Variants in MAST2 observed in about 807,000 individuals in gnomAD.
The protein encoded by MAST2 is microtubule-associated serine/threonine-protein kinase 2.
Under a neutral mutation model 147.4 loss-of-function variants are expected in MAST2, and 70 were observed. That is an observed-to-expected ratio of 0.47 (90% CI 0.39 to 0.58). MAST2 has a LOEUF of 0.58. Ranked by LOEUF, MAST2 falls within the 20% of genes least tolerant of loss-of-function variation. The pLI, the probability that MAST2 is intolerant of heterozygous loss-of-function variation, is 0.00. For synonymous variants in MAST2, 869 were observed against 896.8 expected, an observed-to-expected ratio of 0.97 and a Z score of 0.55; for missense variants, 2,080 against 2,302.3, an observed-to-expected ratio of 0.90 and a Z score of 1.98.
At position 45,911,853 on chromosome 1, in the gene MAST2, A is replaced by ATATTATTAT. The variant is rs10595888; in HGVS notation, c.500+29498_500+29506dup. Among the ~76,000 whole-genome samples the ATATTATTAT allele has an allele frequency of 2.0e-3, 273 of 135,784 alleles. 1 individual carries two copies. The highest frequency in any genetic ancestry group is 3.4e-3 in the Admixed American group (45 of 13,118). 89.1% of individuals were successfully genotyped at this position (135,784 alleles called of 152,430 possible). The stretch of plus-strand genomic sequence containing the variant: ...CTGTTATGTCATTATTATTATTGTT[A>ATATTATTAT]TATTATTATTATTATTATTATTATT... On this transcript the variant is annotated intron_variant, in intron 4 of 28. Transcript: ENST00000361297.
intron 5 of MAST2, among the ~76,000 whole-genome samples, chr1:45,970,930 A>G (rs1275127722): frequency 6.6e-6 from 1 of 151,520 alleles, no homozygotes; most frequent in Admixed American, 6.6e-5. Flanking sequence ...CTTGTAGAGT[A>G]TTTCATTGTA....
intron 1 of MAST2, among the ~76,000 whole-genome samples, chr1:45,814,371 G>A (rs1644391346): frequency 6.6e-6 from 1 of 152,154 alleles, no homozygotes; most frequent in Non-Finnish European, 1.5e-5. Flanking sequence ...AGATGTGGAG[G>A]TGGAAGACAG....
At chr1:45,964,147 T>A (rs1384871506) in intron 5 of MAST2, among the ~76,000 whole-genome samples, 1 of 152,248 alleles carries the variant, frequency 6.6e-6, no homozygotes, top group Non-Finnish European at 1.5e-5. Flanking sequence ...TTTGCATTGA[T>A]GTTTATCAGG....
At chr1:45,960,345 C>CA (rs1409745556) in intron 5 of MAST2, among the ~76,000 whole-genome samples, 1 of 151,984 alleles carries the variant, frequency 6.6e-6, no homozygotes, top group Non-Finnish European at 1.5e-5. Flanking sequence ...CCCGTCTCTA[C>CA]AAAAAATACA....
chr1:46,035,722 G>A lies in MAST2; in HGVS notation c.5053G>A (p.Asp1685Asn), dbSNP rs778482512. Residue 1685 changes from aspartate (D) to asparagine (N), a missense_variant, in exon 29 of 29, where the codon GAT (aspartate) becomes AAT (asparagine). Around this residue, in one of 4 missense-constraint regions of MAST2, gnomAD observed 1,278 missense variants for 1,304.2 expected, o/e 0.98. Transcript: ENST00000361297. This position sits in a 1 kb window ranked among gnomAD's most constrained non-coding sequence, Gnocchi z 5.5. The stretch of plus-strand genomic sequence containing the variant: ...GGCAGGTGGGCTAGCCAACCTCCAG[G>A]ATTTGGAAAACACAACTCCAGCCCA... ...TMAGGLANLQDLENTTPAQPK... is the reference protein window; with the variant it reads ...TMAGGLANLQNLENTTPAQPK... 1.8e-5 allele frequency: 29 copies of A among 1,613,862 alleles called. No homozygotes were observed. The highest frequency in any genetic ancestry group is 3.4e-6 in the Non-Finnish European group (4 of 1,180,020).
Position 46,035,327 on chromosome 1 carries a change from G to C in MAST2, c.4658G>C (p.Arg1553Thr). 1 of 1,613,910 alleles carries C rather than the reference G, an allele frequency of 6.2e-7. No homozygotes were observed. The highest frequency in any genetic ancestry group is 8.5e-7 in the Non-Finnish European group (1 of 1,179,954). The change falls in exon 29 of 29, where the codon AGG becomes ACG. Residue 1553 changes from arginine (R) to threonine (T), a missense_variant. Coordinates refer to ENST00000361297, the MANE Select transcript of MAST2 (RefSeq NM_015112.3). This position sits in a 1 kb window ranked among gnomAD's most constrained non-coding sequence, Gnocchi z 5.5. ...GATCCTTTCCCGTCCAGAGACCCTA[G>C]GAGCCTGGGCCCAATGGTCCCAAGC... ...EEDPFPSRDP[R>T]SLGPMVPSLL...
intron 4 of MAST2, among the ~76,000 whole-genome samples, chr1:45,893,277 G>C (rs1054663685): frequency 2.0e-5 from 3 of 152,048 alleles, no homozygotes; most frequent in Non-Finnish European, 4.4e-5. Flanking sequence ...CATAGCTCAC[G>C]GCAGCCTCAA....
intron 5 of MAST2, among the ~76,000 whole-genome samples, chr1:45,971,190 A>T (rs1465136749): frequency 6.6e-6 from 1 of 152,172 alleles, no homozygotes; most frequent in Admixed American, 6.6e-5. Context: ...CACTGGATGT[A>T]GTTGCAGCCC....
At chr1:45,835,223 A>C (rs114027049) in intron 3 of MAST2, among the ~76,000 whole-genome samples, 4 of 152,108 alleles carry the variant, frequency 2.6e-5, no homozygotes, top group African/African-American at 4.8e-5. Flanking sequence ...TATATACTAC[A>C]TACTCAAATT....
intron 3 of MAST2, among the ~76,000 whole-genome samples, chr1:45,859,518 G>A (rs190224901): frequency 9.2e-5 from 14 of 152,232 alleles, no homozygotes; most frequent in African/African-American, 3.4e-4. Flanking sequence ...AGTGGTGCGT[G>A]CAAGAGAAGT....
At chr1:45,911,584 T>C (rs895358632) in intron 4 of MAST2, among the ~76,000 whole-genome samples, 1 of 152,182 alleles carries the variant, frequency 6.6e-6, no homozygotes. Flanking sequence ...AAGACACTTC[T>C]GGCTAGTATA....
At chr1:45,821,245 A>G (rs1396209458) in intron 1 of MAST2, among the ~76,000 whole-genome samples, 1 of 152,020 alleles carries the variant, frequency 6.6e-6, no homozygotes, top group Non-Finnish European at 1.5e-5. Context: ...TCAAGATAGA[A>G]TTCCGTATGT....
intron 4 of MAST2, among the ~76,000 whole-genome samples, chr1:45,916,614 T>A (rs1490777860): frequency 6.6e-6 from 1 of 152,178 alleles, no homozygotes; most frequent in Non-Finnish European, 1.5e-5. Context: ...GCTAAACAAA[T>A]TGGTATTATT....
At chr1:45,993,929 G>A (rs1162229844) in intron 5 of MAST2, among the ~76,000 whole-genome samples, 1 of 152,008 alleles carries the variant, frequency 6.6e-6, no homozygotes. Flanking sequence ...CCTATACTTA[G>A]GTTTACAATT....
chr1:45,996,580 A>G (rs987832946), intron 5 of MAST2, among the ~76,000 whole-genome samples: 12 of 152,138 alleles, frequency 7.9e-5, no homozygotes, highest in Non-Finnish European at 1.6e-4. Context: ...ATGAAGTTGT[A>G]TATTTTATGC....
At chr1:45,945,116 A>G (rs952471561) in intron 4 of MAST2, among the ~76,000 whole-genome samples, 6 of 152,298 alleles carry the variant, frequency 3.9e-5, no homozygotes, top group Admixed American at 3.3e-4. Flanking sequence ...CCTGGGCAAC[A>G]TAGTGAGATC....
At chr1:45,904,800 A>G (rs936706981) in intron 4 of MAST2, among the ~76,000 whole-genome samples, 1 of 151,518 alleles carries the variant, frequency 6.6e-6, no homozygotes. Flanking sequence ...GTTTTTGTGT[A>G]TTTTATTGCA....
intron 4 of MAST2, among the ~76,000 whole-genome samples, chr1:45,932,743 T>C (rs7526975): frequency 0.048 from 7,300 of 152,206 alleles, 619 homozygotes; most frequent in African/African-American, 0.17. Context: ...TATAATCTGT[T>C]AATACCATTT....
At chr1:45,901,286 A>C (rs771062116) in intron 4 of MAST2, among the ~76,000 whole-genome samples, 1 of 152,046 alleles carries the variant, frequency 6.6e-6, no homozygotes, top group Non-Finnish European at 1.5e-5. Context: ...ATTGTGGTCA[A>C]CTTTGTTGAA....
Sources: gnomAD v4.1 joint callset for allele counts (sites outside exome capture counted in the v4.1 genomes callset) on GRCh38, gnomAD v4.1.1 for gene constraint, gnomAD v4.1.1 regional missense constraint, Gnocchi (gnomAD v3.1) non-coding constraint, MANE v1.5 for transcripts, NCBI Gene and HGNC (gene_info 2026-07-23, HGNC 2026-07-21) for gene names.